ADAMTS12: variants seen among roughly 807,000 people sequenced by gnomAD.
ADAMTS12 encodes the protein A disintegrin and metalloproteinase with thrombospondin motifs 12.
A neutral mutation model predicts 167.8 loss-of-function variants in ADAMTS12; 118 were observed. That is an observed-to-expected ratio of 0.70 (90% CI 0.61 to 0.82). The LOEUF (loss-of-function observed/expected upper bound fraction) is 0.82, where lower values mean the gene tolerates loss of function less well. Among genes scored for constraint, ADAMTS12 ranks in the 40% least tolerant of loss-of-function variants. The probability of loss-of-function intolerance (pLI) is 0.00; values close to 1 mark genes in which losing one functional copy is unlikely to be tolerated. For synonymous variants in ADAMTS12, 704 were observed against 716.9 expected (o/e 0.98, Z 0.29); for missense variants, 1,916 against 1,998.8 (o/e 0.96, Z 0.79).
At chr5:33,842,266 T>C (rs1316492612) in intron 2 of ADAMTS12, among the ~76,000 whole-genome samples, 2 of 152,256 alleles carry the variant, frequency 1.3e-5, no homozygotes, top group Non-Finnish European at 2.9e-5. Flanking sequence ...GCTTTCTTCA[T>C]GCCTTTTCTC....
At chr5:33,849,628 CAATAT>C (rs1561307168) in intron 2 of ADAMTS12, among the ~76,000 whole-genome samples, 15 of 103,384 alleles carry the variant, frequency 1.5e-4, no homozygotes, top group African/African-American at 4.2e-4. Context: ...TATTGCATAG[CAATAT>C]ATATGTATTG....
chr5:33,722,011 C>T (rs1246153936), intron 3 of ADAMTS12, among the ~76,000 whole-genome samples: 1 of 152,184 alleles, frequency 6.6e-6, no homozygotes, highest in Non-Finnish European at 1.5e-5. Context: ...GGCAATTTGA[C>T]AAGGCTTCTT....
intron 6 of ADAMTS12, among the ~76,000 whole-genome samples, chr5:33,660,215 GA>G (rs1561199945): frequency 6.6e-6 from 1 of 151,952 alleles, no homozygotes. Context: ...GTGACTATAA[GA>G]AAAAAAGGAG....
At chr5:33,599,040 G>T (rs2112043934) in intron 16 of ADAMTS12, among the ~76,000 whole-genome samples, 1 of 152,252 alleles carries the variant, frequency 6.6e-6, no homozygotes, top group South Asian at 2.1e-4. Context: ...CTAGCCCTTG[G>T]ATCAACCGGC....
intron 16 of ADAMTS12, among the ~76,000 whole-genome samples, chr5:33,609,192 A>G (rs1738593660): frequency 6.6e-6 from 1 of 152,198 alleles, no homozygotes; most frequent in Non-Finnish European, 1.5e-5. Context: ...TACACCTCAC[A>G]CAAAAAATAA....
rs1472742694 is a variant in ADAMTS12, at chr5:33,872,565, AAG to A, written c.489+8552_489+8553del. ...TCATCTGAAAAAAAAAAAAGAAAGA[AAG>A]AAAAGAAAAGAAAACTACAGACCAA... On this transcript the variant is annotated intron_variant, in intron 2 of 23. Transcript: ENST00000504830. Among the ~76,000 whole-genome samples, 187 of 152,010 alleles carry A rather than the reference AAG, an allele frequency of 1.2e-3. 1 individual carries two copies. Among genetic ancestry groups the A allele is most frequent in the African/African-American group, 4.3e-3 (178 of 41,508 alleles).
chr5:33,839,494 T>G lies in ADAMTS12; in HGVS notation c.489+41625A>C, dbSNP rs1748662459. 2.6e-5 allele frequency among the ~76,000 whole-genome samples: 4 copies of G among 152,206 alleles called. No individual in the cohort carries two copies. The South Asian group carries it at 8.3e-4, about 31-fold the overall frequency. On this transcript the variant is annotated intron_variant, in intron 2 of 23. Transcript: ENST00000504830. Reference sequence around the variant, plus strand: ...GTCACACTGAGGCACATGCTTTTCCTTCTTTACAGGATCCCAGGTCAATTT... The same window carrying G: ...GTCACACTGAGGCACATGCTTTTCCGTCTTTACAGGATCCCAGGTCAATTT...
chr5:33,793,110 C>T (rs565965278), intron 2 of ADAMTS12, among the ~76,000 whole-genome samples: 8 of 152,344 alleles, frequency 5.3e-5, no homozygotes, highest in African/African-American at 1.7e-4. Context: ...GGCCTCTTGG[C>T]CACCACGGCT....
At chr5:33,564,760 A>G (rs1305078873) in intron 19 of ADAMTS12, among the ~76,000 whole-genome samples, 2 of 152,190 alleles carry the variant, frequency 1.3e-5, no homozygotes, top group East Asian at 3.9e-4. Context: ...TGCCTCTCAG[A>G]CATTCAATGC....
chr5:33,643,273 C>T, intron 10 of ADAMTS12, 105 bp downstream of exon 10: 1 of 1,134,678 alleles, frequency 8.8e-7, no homozygotes, highest in Admixed American at 1.8e-5. Context: ...CCTCCATCCA[C>T]TGCTCTTCCC....
At chr5:33,843,605 T>C (rs1748829924) in intron 2 of ADAMTS12, among the ~76,000 whole-genome samples, 1 of 152,124 alleles carries the variant, frequency 6.6e-6, no homozygotes, top group Non-Finnish European at 1.5e-5. Flanking sequence ...TTCATAAATA[T>C]AAAAGGGAGA....
intron 1 of ADAMTS12, among the ~76,000 whole-genome samples, chr5:33,885,403 A>C (rs2111793424): frequency 6.6e-6 from 1 of 152,286 alleles, no homozygotes; most frequent in South Asian, 2.1e-4. Flanking sequence ...CGGGAGGCCG[A>C]GTTTACGGTG....
intron 20 of ADAMTS12, among the ~76,000 whole-genome samples, chr5:33,556,579 TCA>T (rs891015069): frequency 9.9e-5 from 15 of 152,202 alleles, no homozygotes; most frequent in African/African-American, 3.6e-4. Context: ...CCACTTGTTA[TCA>T]CAGTCATGGA....
intron 2 of ADAMTS12, among the ~76,000 whole-genome samples, chr5:33,751,801 TG>T (rs1744993691): frequency 6.6e-6 from 1 of 152,220 alleles, no homozygotes; most frequent in Admixed American, 6.5e-5. Context: ...CACATACACA[TG>T]TGTCCGAAAT....
In ADAMTS12 at chr5:33,630,713, C is replaced by G. The variant is rs1739879759; in HGVS notation, c.2022+67G>C. The G allele has an allele frequency of 1.9e-6, 3 of 1,541,782 alleles. No individual in the cohort carries two copies. In the East Asian group the frequency reaches 6.9e-5, roughly 35 times the overall value. ...CTGTGAAAGCACAAACCTAGAACATCTGACTTCCCAAATTAGTAAAAGTCA... is the reference window on the plus strand; with the variant it reads ...CTGTGAAAGCACAAACCTAGAACATGTGACTTCCCAAATTAGTAAAAGTCA... On this transcript the variant is annotated intron_variant, in intron 13 of 23. Transcript: ENST00000504830.
At chr5:33,770,591 C>T (rs1008933387) in intron 2 of ADAMTS12, among the ~76,000 whole-genome samples, 2 of 152,122 alleles carry the variant, frequency 1.3e-5, no homozygotes, top group Non-Finnish European at 2.9e-5. Context: ...TAAGAGAGAG[C>T]TTGTGTTGCT....
chr5:33,596,345 G>A (rs558515940), intron 16 of ADAMTS12, among the ~76,000 whole-genome samples: 1 of 152,270 alleles, frequency 6.6e-6, no homozygotes, highest in South Asian at 2.1e-4. Flanking sequence ...ATGGAGACGA[G>A]ACTAACACAC....
intron 2 of ADAMTS12, among the ~76,000 whole-genome samples, chr5:33,784,840 T>C (rs981402775): frequency 2.6e-5 from 4 of 152,072 alleles, no homozygotes; most frequent in African/African-American, 7.2e-5. Context: ...AACATTTATA[T>C]TGAAATAAAA....
chr5:33,751,854 C>T (rs1744996534), intron 2 of ADAMTS12, among the ~76,000 whole-genome samples: 2 of 152,156 alleles, frequency 1.3e-5, no homozygotes, highest in African/African-American at 4.8e-5. Context: ...CTCTAAAACC[C>T]ATTGCTGGAT....
Sources: gnomAD v4.1 joint callset for allele counts (sites outside exome capture counted in the v4.1 genomes callset) on GRCh38, gnomAD v4.1.1 for gene constraint, MANE v1.5 for transcripts, NCBI Gene and HGNC (gene_info 2026-07-23, HGNC 2026-07-21) for gene names.